Variants in PHACTR1 observed in about 807,000 individuals in gnomAD.
The protein encoded by PHACTR1 is RPEL repeat containing 1.
PHACTR1 carries 16 observed loss-of-function variants against 69.2 expected under a neutral mutation model. The observed-to-expected ratio is 0.23, with a 90% CI of 0.16 to 0.35. The LOEUF (loss-of-function observed/expected upper bound fraction) is 0.35. PHACTR1 is among the 10% of genes least tolerant of loss of function. The pLI is 1.00. For missense variants in PHACTR1, 510 were observed against 734.7 expected (o/e 0.69, Z 3.54); for synonymous variants, 312 against 284.5 (o/e 1.10, Z -0.97).
At chr6:12,898,239 C>G (rs1024160081) in intron 4 of PHACTR1, among the ~76,000 whole-genome samples, 4 of 152,130 alleles carry the variant, frequency 2.6e-5, no homozygotes, top group Non-Finnish European at 5.9e-5. Flanking sequence ...CGGTCCTGCC[C>G]TCTACCATTT....
chr6:13,170,384 TG>T (rs1297974227), intron 6 of PHACTR1, among the ~76,000 whole-genome samples: 1 of 152,336 alleles, frequency 6.6e-6, no homozygotes, highest in East Asian at 1.9e-4. Flanking sequence ...ACTGCTTACC[TG>T]GACCCCTCCT....
At chr6:13,108,832 A>G (rs1816569296) in intron 5 of PHACTR1, among the ~76,000 whole-genome samples, 1 of 152,006 alleles carries the variant, frequency 6.6e-6, no homozygotes, top group Non-Finnish European at 1.5e-5. Flanking sequence ...GATCTCATCT[A>G]CCATTCTTGC....
chr6:13,107,703 G>C lies in PHACTR1; in HGVS notation c.416-52501G>C, dbSNP rs1350227138. Reference sequence around the variant, plus strand: ...TATCCATTTAATGTCTATAGTATCAGTAGTGATGTCCCTTAGGTCTTCTTC... The same window carrying C: ...TATCCATTTAATGTCTATAGTATCACTAGTGATGTCCCTTAGGTCTTCTTC... On this transcript the variant is annotated intron_variant, in intron 5 of 14. Transcript: ENST00000332995. 6.6e-5 allele frequency among the ~76,000 whole-genome samples: 10 copies of C among 152,172 alleles called. No individual in the cohort carries two copies. In the East Asian group the frequency reaches 1.9e-3, roughly 29 times the overall value.
intron 5 of PHACTR1, among the ~76,000 whole-genome samples, chr6:13,097,264 G>A (rs1376571727): frequency 6.6e-6 from 1 of 152,204 alleles, no homozygotes; most frequent in Non-Finnish European, 1.5e-5. Context: ...GGAAAGCATT[G>A]TGCTTACTTA....
At chr6:13,236,677 T>G (rs1192886170) in intron 10 of PHACTR1, among the ~76,000 whole-genome samples, 1 of 152,152 alleles carries the variant, frequency 6.6e-6, no homozygotes, top group Non-Finnish European at 1.5e-5. Context: ...TAGGGCCCAC[T>G]ACCCCACCCT....
At chr6:13,175,414 C>T (rs1421625247) in intron 6 of PHACTR1, among the ~76,000 whole-genome samples, 2 of 152,156 alleles carry the variant, frequency 1.3e-5, no homozygotes, top group East Asian at 1.9e-4. Context: ...ACACTAAGGT[C>T]CCCAGAAGCT....
At chr6:13,252,704 C>T (rs1021923091) in intron 10 of PHACTR1, among the ~76,000 whole-genome samples, 4 of 151,972 alleles carry the variant, frequency 2.6e-5, no homozygotes, top group African/African-American at 7.2e-5. Flanking sequence ...GAAAGAGTAT[C>T]GGCCGCAGGA....
chr6:12,879,909 G>T (rs939642917), intron 4 of PHACTR1, among the ~76,000 whole-genome samples: 1 of 152,126 alleles, frequency 6.6e-6, no homozygotes, highest in African/African-American at 2.4e-5. Flanking sequence ...TATCCTTGTA[G>T]TAGCTAGGAC....
At chr6:13,187,273 C>G (rs935799426) in intron 7 of PHACTR1, among the ~76,000 whole-genome samples, 2 of 152,178 alleles carry the variant, frequency 1.3e-5, no homozygotes. Flanking sequence ...AGAGAGAGTA[C>G]TAACACAACT....
chr6:12,770,585 C>T (rs1296805551), intron 4 of PHACTR1, among the ~76,000 whole-genome samples: 2 of 152,200 alleles, frequency 1.3e-5, no homozygotes, highest in African/African-American at 2.4e-5. Flanking sequence ...CTGCACAAAA[C>T]TCATTTGGCA....
chr6:13,041,361 C>T (rs1804121905), intron 4 of PHACTR1, among the ~76,000 whole-genome samples: 1 of 151,560 alleles, frequency 6.6e-6, no homozygotes, highest in African/African-American at 2.4e-5. Flanking sequence ...CACACACACA[C>T]ACACACACAC....
intron 5 of PHACTR1, among the ~76,000 whole-genome samples, chr6:13,064,547 GATATATATATATAT>G (rs1195089569): frequency 2.3e-4 from 16 of 70,216 alleles, no homozygotes; most frequent in Non-Finnish European, 3.1e-4. Context: ...GAAGGGAAAA[GATATATATATATAT>G]ATATATATAT....
At chr6:12,914,564 T>C (rs1243566803) in intron 4 of PHACTR1, among the ~76,000 whole-genome samples, 1 of 152,188 alleles carries the variant, frequency 6.6e-6, no homozygotes, top group Non-Finnish European at 1.5e-5. Flanking sequence ...CTGGAGGTCC[T>C]ACACACACCT....
chr6:12,836,482 C>T (rs575584478), intron 4 of PHACTR1, among the ~76,000 whole-genome samples: 36 of 152,154 alleles, frequency 2.4e-4, no homozygotes, highest in African/African-American at 8.7e-4. Flanking sequence ...GGATACTAGG[C>T]TAAACAGAAG....
intron 4 of PHACTR1, among the ~76,000 whole-genome samples, chr6:12,857,926 A>G (rs918782921): frequency 2.6e-5 from 4 of 152,216 alleles, no homozygotes. Context: ...ATTCACAGTC[A>G]TCTTAGTGAG....
chr6:13,039,100 A>G (rs1803787666), intron 4 of PHACTR1, among the ~76,000 whole-genome samples: 1 of 152,220 alleles, frequency 6.6e-6, no homozygotes, highest in Admixed American at 6.5e-5. Flanking sequence ...AGATGTATTC[A>G]CTAAATAGAA....
intron 6 of PHACTR1, among the ~76,000 whole-genome samples, chr6:13,180,813 A>G (rs1351320464): frequency 2.0e-5 from 3 of 152,158 alleles, no homozygotes. Flanking sequence ...TGGGATAGCG[A>G]CACACTGACG....
intron 4 of PHACTR1, among the ~76,000 whole-genome samples, chr6:12,774,991 C>T (rs73722823): frequency 2.0e-5 from 3 of 152,102 alleles, no homozygotes; most frequent in Non-Finnish European, 4.4e-5. Flanking sequence ...TTTCCAAGGA[C>T]GTGTCCAACT....
chr6:12,925,414 A>G (rs991771037), intron 4 of PHACTR1, among the ~76,000 whole-genome samples: 3 of 152,236 alleles, frequency 2.0e-5, no homozygotes, highest in African/African-American at 7.2e-5. Flanking sequence ...CATATGACAT[A>G]CACACAAAAA....
Sources: allele counts gnomAD v4.1 joint callset (sites outside exome capture counted in the v4.1 genomes callset), GRCh38; gene constraint gnomAD v4.1.1; transcripts MANE v1.5; gene names NCBI Gene and HGNC (gene_info 2026-07-23, HGNC 2026-07-21).